Variants in GYS2 observed in about 807,000 individuals in gnomAD.
GYS2 encodes the protein glycogen synthase 2.
A neutral mutation model predicts 85.6 loss-of-function variants in GYS2; 80 were observed. The observed-to-expected ratio is 0.93, with a 90% confidence interval of 0.78 to 1.13. The LOEUF is 1.13. Among genes scored for constraint, GYS2 ranks in the 50% most tolerant of loss-of-function variants. The pLI is 0.00. For synonymous variants in GYS2, 328 were observed against 300.7 expected, an observed-to-expected ratio of 1.09 and a Z score of -0.94; for missense variants, 881 against 854.9, an observed-to-expected ratio of 1.03 and a Z score of -0.38.
rs551839978 is a variant in GYS2, at chr12:21,557,822, C to A, written c.1422+378G>T. Reference sequence around the variant, plus strand: ...GCTGAGGCAGGAGAATGGTGTGGACCCGGGAGGCGGAGCTTGCAGTGAGCC... The same window carrying A: ...GCTGAGGCAGGAGAATGGTGTGGACACGGGAGGCGGAGCTTGCAGTGAGCC... On this transcript the variant is annotated intron_variant, in intron 11 of 15. Transcript: ENST00000261195. Among the ~76,000 whole-genome samples the A allele has an allele frequency of 3.9e-3, 587 of 152,122 alleles. 5 individuals are homozygous for A. The highest frequency in any genetic ancestry group is 0.014 in the African/African-American group (566 of 41,476).
intron 11 of GYS2, among the ~76,000 whole-genome samples, chr12:21,549,364 C>T (rs1257663738): frequency 1.3e-5 from 2 of 152,112 alleles, no homozygotes; most frequent in East Asian, 1.9e-4. Context: ...TTTTCAGAAC[C>T]ATTCATAAAC....
chr12:21,575,959 G>A lies in GYS2; in HGVS notation c.402C>T (p.Leu134=), dbSNP rs1372187877. 2 of 1,613,774 alleles carry A rather than the reference G, an allele frequency of 1.2e-6. No individual in the cohort carries two copies. The highest frequency in any genetic ancestry group is 1.7e-6 in the Non-Finnish European group (2 of 1,179,736). The stretch of plus-strand genomic sequence containing the variant: ...GAATGCCGACACTGCATGCTTCCCA[G>A]AGGTCACCCTTCCACCTGTCCAGAT... ...AWNLDRWKGD[L]WEACSVGIPY... is the part of the protein sequence containing the mutation. Residue 134 remains leucine (L), a synonymous_variant, in exon 3 of 16, where the codon CTC becomes CTT. Transcript: ENST00000261195.
At chr12:21,568,103 C>T (rs1944343993) in intron 5 of GYS2, among the ~76,000 whole-genome samples, 2 of 151,988 alleles carry the variant, frequency 1.3e-5, no homozygotes, top group South Asian at 4.2e-4. Context: ...GTCGAAATCA[C>T]TGTGGAGAGC....
chr12:21,550,662 C>T (rs1392066915), intron 11 of GYS2, among the ~76,000 whole-genome samples: 13 of 152,160 alleles, frequency 8.5e-5, no homozygotes, highest in African/African-American at 2.4e-5. Context: ...GGAGACAGGC[C>T]GGGTACCGTG....
chr12:21,580,434 C>G lies in GYS2; in HGVS notation c.211G>C (p.Glu71Gln). 6.2e-7 allele frequency: 1 copy of G among 1,613,604 alleles called. No individual in the cohort carries two copies. The highest frequency in any genetic ancestry group is 1.3e-5 in the African/African-American group (1 of 75,024). ...ENYFLIGPYF[E>Q]HNMKTQVEQC... ...TCCACCTGAGTCTTCATATTATGCT[C>G]AAAATATGGACCTATCAGAAAATAG... Residue 71 changes from glutamate to glutamine, a missense_variant, in exon 2 of 16, where the codon GAG (glutamate) becomes CAG (glutamine). By Grantham distance (29) the Glu-to-Gln change is conservative. Coordinates refer to ENST00000261195, the MANE Select transcript of GYS2 (RefSeq NM_021957.4).
In GYS2 at chr12:21,537,057, T is replaced by G. The variant is rs374040928; in HGVS notation, c.2009A>C (p.Glu670Ala). Residue 670 changes from glutamate to alanine, a missense_variant, in exon 16 of 16, where the codon GAG becomes GCG. Physicochemically the swap from Glu to Ala is moderately radical, Grantham distance 107. Coordinates refer to ENST00000261195, the MANE Select transcript of GYS2 (RefSeq NM_021957.4). Reference protein sequence around the residue: ...EDEVEDERYDEEEEAERDRLN... With the variant: ...EDEVEDERYDAEEEAERDRLN... The stretch of plus-strand genomic sequence containing the variant: ...CCGATCCCTTTCAGCCTCCTCTTCC[T>G]CATCGTATCTCTCATCCTCCACTTC... 2 of 1,613,798 alleles carry G rather than the reference T, an allele frequency of 1.2e-6. No homozygotes were observed. Among genetic ancestry groups the G allele is most frequent in the Admixed American group, 1.7e-5 (1 of 59,980 alleles).
At chr12:21,546,051 A>G (rs1944035389) in intron 12 of GYS2, among the ~76,000 whole-genome samples, 1 of 118,422 alleles carries the variant, frequency 8.4e-6, no homozygotes. Context: ...TAAATAAGAT[A>G]CAACCTTTAT....
intron 5 of GYS2, among the ~76,000 whole-genome samples, chr12:21,563,772 G>A (rs1197514283): frequency 1.3e-5 from 2 of 152,184 alleles, no homozygotes; most frequent in South Asian, 2.1e-4. Flanking sequence ...GCACAGAGTT[G>A]TTTAAAGACG....
intron 12 of GYS2, among the ~76,000 whole-genome samples, chr12:21,543,988 G>A (rs1452880046): frequency 6.6e-6 from 1 of 152,136 alleles, no homozygotes; most frequent in Admixed American, 6.5e-5. Context: ...TCACTATGTA[G>A]TAATATTCCA....
chr12:21,584,084 A>T (rs1019293917), intron 1 of GYS2, among the ~76,000 whole-genome samples: 4 of 152,236 alleles, frequency 2.6e-5, no homozygotes, highest in Non-Finnish European at 1.5e-5. Context: ...CAGCCGCAGC[A>T]CTACAGCCCC....
At chr12:21,543,163 T>C (rs1387887466) in intron 12 of GYS2, among the ~76,000 whole-genome samples, 2 of 152,232 alleles carry the variant, frequency 1.3e-5, no homozygotes, top group Non-Finnish European at 2.9e-5. Context: ...AAATAACTGA[T>C]ATGTCTTAAA....
At chr12:21,544,871 C>T (rs1486029117) in intron 12 of GYS2, among the ~76,000 whole-genome samples, 1 of 152,136 alleles carries the variant, frequency 6.6e-6, no homozygotes. Context: ...TAGAATAGGA[C>T]CTTATGACCA....
intron 2 of GYS2, among the ~76,000 whole-genome samples, chr12:21,579,182 G>A (rs1450845429): frequency 2.6e-5 from 4 of 151,940 alleles, no homozygotes; most frequent in Non-Finnish European, 5.9e-5. Context: ...TTGACATCAC[G>A]ATTCCTGTTG....
intron 1 of GYS2, among the ~76,000 whole-genome samples, chr12:21,585,027 C>T (rs1261553420): frequency 6.6e-6 from 1 of 152,148 alleles, no homozygotes; most frequent in African/African-American, 2.4e-5. Flanking sequence ...CAAAGTTCTC[C>T]AGAAGGCTGT....
Position 21,563,261 on chromosome 12 carries a change from C to T in GYS2, c.908G>A (p.Arg303Lys). Reference sequence around the variant, plus strand: ...ATGACCTCGAACAAAATCTTGGATTCTGGCCTTGTACATGGCATGTAGATT... The same window carrying T: ...ATGACCTCGAACAAAATCTTGGATTTTGGCCTTGTACATGGCATGTAGATT... The part of the protein sequence containing the change: ...FQNLHAMYKA[R>K]IQDFVRGHFY... The change falls in exon 6 of 16, where the codon AGA becomes AAA. Residue 303 changes from arginine to lysine, a missense_variant. By Grantham distance (26) the Arg-to-Lys change is conservative. Coordinates refer to ENST00000261195, the MANE Select transcript of GYS2 (RefSeq NM_021957.4). 1 of 1,611,192 alleles carries T rather than the reference C, an allele frequency of 6.2e-7. No individual in the cohort carries two copies. The highest frequency in any genetic ancestry group is 8.5e-7 in the Non-Finnish European group (1 of 1,177,426).
At chr12:21,576,505 A>G (rs1312487729) in intron 2 of GYS2, among the ~76,000 whole-genome samples, 1 of 152,188 alleles carries the variant, frequency 6.6e-6, no homozygotes, top group Non-Finnish European at 1.5e-5. Flanking sequence ...CTAGAAGAAA[A>G]AGCTATTTCT....
intron 11 of GYS2, among the ~76,000 whole-genome samples, chr12:21,553,687 G>A (rs1481722143): frequency 6.6e-6 from 1 of 152,086 alleles, no homozygotes; most frequent in Non-Finnish European, 1.5e-5. Flanking sequence ...ACATATAAAG[G>A]TAAAACAGAA....
At position 21,536,741 on chromosome 12, in the gene GYS2, C is replaced by G. The variant is rs549879200; in HGVS notation, c.*213G>C. Reference sequence around the variant, plus strand: ...AATGAGTGCTCCTCCTCATGCCTAACTTTATGGGGGAAACAAGAGTTGGGG... The same window carrying G: ...AATGAGTGCTCCTCCTCATGCCTAAGTTTATGGGGGAAACAAGAGTTGGGG... On this transcript the variant is annotated 3_prime_UTR_variant, in exon 16 of 16. Transcript: ENST00000261195. 2 of 584,704 alleles carry G rather than the reference C, an allele frequency of 3.4e-6. No individual in the cohort carries two copies. 36.2% of individuals were successfully genotyped at this position (584,704 alleles called of 1,614,324 possible).
chr12:21,593,748 C>A (rs938751314), intron 1 of GYS2, among the ~76,000 whole-genome samples: 3 of 152,010 alleles, frequency 2.0e-5, no homozygotes, highest in African/African-American at 4.8e-5. Flanking sequence ...AGGAATTCTC[C>A]CTAACTCATT....
Sources: allele counts gnomAD v4.1 joint callset (sites outside exome capture counted in the v4.1 genomes callset), GRCh38; gene constraint gnomAD v4.1.1; transcripts MANE v1.5; gene names NCBI Gene and HGNC (gene_info 2026-07-23, HGNC 2026-07-21).